GDPD1: variants seen among roughly 807,000 people sequenced by gnomAD.
GDPD1 encodes lysophospholipase D GDPD1.
In GDPD1, 28 loss-of-function variants were observed where a neutral mutation model predicts 45.1. The observed-to-expected ratio is 0.62, with a 90% CI of 0.46 to 0.85. The LOEUF (loss-of-function observed/expected upper bound fraction) is 0.85. GDPD1 is among the 40% of genes least tolerant of loss of function. The pLI is 0.00. For synonymous variants in GDPD1, 139 were observed against 131.4 expected, an observed-to-expected ratio of 1.06 and a Z score of -0.40; for missense variants, 256 against 364.8, an observed-to-expected ratio of 0.70 and a Z score of 2.43.
intron 2 of GDPD1, among the ~76,000 whole-genome samples, chr17:59,235,572 G>A (rs1329369897): frequency 6.6e-6 from 1 of 152,056 alleles, no homozygotes; most frequent in African/African-American, 2.4e-5. Flanking sequence ...AACACTTTGG[G>A]AGGCCAAGGC....
At chr17:59,225,575 A>G (rs919773208) in intron 1 of GDPD1, among the ~76,000 whole-genome samples, 2 of 150,860 alleles carry the variant, frequency 1.3e-5, no homozygotes, top group Non-Finnish European at 3.0e-5. Flanking sequence ...GAGGCCACCC[A>G]CCGCGGCCTC....
At chr17:59,226,622 G>T (rs1041628054) in intron 1 of GDPD1, among the ~76,000 whole-genome samples, 1 of 152,122 alleles carries the variant, frequency 6.6e-6, no homozygotes, top group African/African-American at 2.4e-5. Context: ...AGATGGTATT[G>T]TATATAAAAC....
chr17:59,239,015 A>C (rs902957236), intron 2 of GDPD1, among the ~76,000 whole-genome samples: 2 of 152,240 alleles, frequency 1.3e-5, no homozygotes, highest in Non-Finnish European at 2.9e-5. Flanking sequence ...TTATTAAACC[A>C]GGCTGCCTTA....
intron 6 of GDPD1, among the ~76,000 whole-genome samples, chr17:59,264,630 T>C (rs1043758427): frequency 4.6e-5 from 7 of 151,992 alleles, no homozygotes; most frequent in Admixed American, 3.9e-4. Context: ...TGTTTTCCCA[T>C]AAGCTCTGTT....
At position 59,237,037 on chromosome 17, in the gene GDPD1, G is replaced by A. The variant is rs561311724; in HGVS notation, c.185+2503G>A. Among the ~76,000 whole-genome samples the A allele has an allele frequency of 2.6e-5, 4 of 152,206 alleles. No homozygotes were observed. The East Asian group carries it at 7.7e-4, about 29-fold the overall frequency. ...CTACTGTTAACTGCTAGGAAACTTAGAAGGTTTTTTTTTGTTTTGTTTTGT... is the reference window on the plus strand; with the variant it reads ...CTACTGTTAACTGCTAGGAAACTTAAAAGGTTTTTTTTTGTTTTGTTTTGT... On this transcript the variant is annotated intron_variant, in intron 2 of 9. Coordinates refer to ENST00000284116, the MANE Select transcript of GDPD1 (RefSeq NM_182569.4).
intron 1 of GDPD1, among the ~76,000 whole-genome samples, chr17:59,221,907 G>A (rs2047008193): frequency 6.6e-6 from 1 of 152,140 alleles, no homozygotes; most frequent in African/African-American, 2.4e-5. Flanking sequence ...AAATACGGAA[G>A]TACATTATCA....
intron 3 of GDPD1, among the ~76,000 whole-genome samples, chr17:59,247,911 TG>T (rs1597976554): frequency 6.6e-6 from 1 of 152,114 alleles, no homozygotes; most frequent in East Asian, 1.9e-4. Context: ...ATTATAGGGG[TG>T]AGCCACTGCA....
chr17:59,250,045 T>C (rs955816045), intron 4 of GDPD1, among the ~76,000 whole-genome samples: 2 of 151,232 alleles, frequency 1.3e-5, no homozygotes, highest in Non-Finnish European at 2.9e-5. Context: ...TGACCACTGA[T>C]AGGGGAATTT....
chr17:59,264,759 G>C (rs1170627931), intron 6 of GDPD1, among the ~76,000 whole-genome samples: 1 of 151,918 alleles, frequency 6.6e-6, no homozygotes, highest in Non-Finnish European at 1.5e-5. Context: ...TGTAAACAAA[G>C]GGGCAAAATA....
intron 1 of GDPD1, among the ~76,000 whole-genome samples, chr17:59,224,129 T>C (rs939168085): frequency 2.0e-5 from 3 of 152,196 alleles, no homozygotes; most frequent in Admixed American, 6.6e-5. Context: ...TGTCAACATA[T>C]AGAAGACCAG....
At chr17:59,239,632 AGTTT>A (rs1004191859) in intron 2 of GDPD1, among the ~76,000 whole-genome samples, 3 of 152,128 alleles carry the variant, frequency 2.0e-5, no homozygotes, top group African/African-American at 4.8e-5. Flanking sequence ...TTTATCTATT[AGTTT>A]GTCAATAACA....
intron 2 of GDPD1, among the ~76,000 whole-genome samples, chr17:59,243,416 A>G (rs1013465859): frequency 1.3e-5 from 2 of 151,904 alleles, no homozygotes; most frequent in African/African-American, 2.4e-5. Context: ...AGGCAGGAGA[A>G]TTGCTTGAAC....
intron 6 of GDPD1, among the ~76,000 whole-genome samples, chr17:59,259,618 G>A (rs35137178): frequency 0.099 from 14,509 of 146,478 alleles, 949 homozygotes; most frequent in South Asian, 0.26. Context: ...GCGTGGTGGC[G>A]TGCTCCTGTA....
At position 59,275,167 on chromosome 17, in the gene GDPD1, G is replaced by A; in HGVS notation, c.*1394G>A. On this transcript the variant is annotated 3_prime_UTR_variant, in exon 10 of 10. Transcript: ENST00000284116. ...AGTAAAAGAAATTTTGAAGGCCATT[G>A]CAGCTATTTGGTAGTGTCTTGTTAT... The A allele has an allele frequency of 6.5e-7, 1 of 1,537,328 alleles. No individual in the cohort carries two copies. Among genetic ancestry groups the A allele is most frequent in the Non-Finnish European group, 8.7e-7 (1 of 1,146,848 alleles).
At chr17:59,237,482 C>A (rs2047141818) in intron 2 of GDPD1, among the ~76,000 whole-genome samples, 1 of 152,042 alleles carries the variant, frequency 6.6e-6, no homozygotes, top group South Asian at 2.1e-4. Flanking sequence ...TTGTAATGTA[C>A]AATCAGGAGA....
intron 2 of GDPD1, among the ~76,000 whole-genome samples, chr17:59,239,762 GTTTT>G (rs57499633): frequency 7.0e-6 from 1 of 142,762 alleles, no homozygotes; most frequent in South Asian, 2.2e-4. Flanking sequence ...AATATGTATA[GTTTT>G]TTTTTTTTTT....
At chr17:59,238,056 G>A (rs1456379636) in intron 2 of GDPD1, among the ~76,000 whole-genome samples, 1 of 150,848 alleles carries the variant, frequency 6.6e-6, no homozygotes, top group Non-Finnish European at 1.5e-5. Flanking sequence ...ATCACCTGAG[G>A]TCGGGAGTTT....
chr17:59,257,569 T>C (rs1308555887), intron 5 of GDPD1, among the ~76,000 whole-genome samples, 182 bp from the exon 6 acceptor site: 1 of 152,232 alleles, frequency 6.6e-6, no homozygotes, highest in Non-Finnish European at 1.5e-5. Context: ...AAATAAATTA[T>C]ATAATGATAT....
In GDPD1 at chr17:59,256,839, T is replaced by G. The variant is rs556532998; in HGVS notation, c.368-283T>G. 1.8e-4 allele frequency among the ~76,000 whole-genome samples: 28 copies of G among 152,214 alleles called. No homozygotes were observed. The East Asian group carries it at 3.7e-3, about 20-fold the overall frequency. ...AAATCATAATCATAAGCACAGTAAA[T>G]CAACAGGAAAATATTTATTTTTATG... On this transcript the variant is annotated intron_variant, in intron 4 of 9. Transcript: ENST00000284116.
Sources: gnomAD v4.1 joint callset for allele counts (sites outside exome capture counted in the v4.1 genomes callset) on GRCh38, gnomAD v4.1.1 for gene constraint, MANE v1.5 for transcripts, NCBI Gene and HGNC (gene_info 2026-07-23, HGNC 2026-07-21) for gene names.